The following CDKAL1 variants were observed in gnomAD, a reference collection of about 807,000 sequenced individuals.
The protein encoded by CDKAL1 is CDKAL1 threonylcarbamoyladenosine tRNA methylthiotransferase.
In CDKAL1, 32 loss-of-function variants were observed where a neutral mutation model predicts 68.2. The observed-to-expected ratio is 0.47, with a 90% CI of 0.35 to 0.63. CDKAL1 has a LOEUF of 0.63. Ranked by LOEUF, CDKAL1 falls within the 30% of genes least tolerant of loss-of-function variation. The pLI is 0.00. For missense variants in CDKAL1, 606 were observed against 696.7 expected (o/e 0.87, Z 1.47); for synonymous variants, 234 against 244.3 (o/e 0.96, Z 0.39).
At chr6:20,916,919 T>G (rs553585402) in intron 9 of CDKAL1, among the ~76,000 whole-genome samples, 2 of 152,264 alleles carry the variant, frequency 1.3e-5, no homozygotes, top group East Asian at 3.9e-4. Context: ...CTTGAAAGGC[T>G]GTTCTTAATA....
chr6:21,030,351 G>A (rs1769207500), intron 11 of CDKAL1, among the ~76,000 whole-genome samples: 2 of 152,148 alleles, frequency 1.3e-5, no homozygotes, highest in Non-Finnish European at 2.9e-5. Flanking sequence ...AGCGGAGGGA[G>A]AGCATTAGGA....
At chr6:21,115,697 T>C (rs546555068) in intron 13 of CDKAL1, among the ~76,000 whole-genome samples, 1 of 152,368 alleles carries the variant, frequency 6.6e-6, no homozygotes, top group East Asian at 1.9e-4. Context: ...TATTGATACA[T>C]GTCCTTATAC....
chr6:20,925,035 T>A (rs1763123894), intron 9 of CDKAL1, among the ~76,000 whole-genome samples: 1 of 152,200 alleles, frequency 6.6e-6, no homozygotes, highest in Admixed American at 6.5e-5. Flanking sequence ...GAATCTTTTG[T>A]GGAAGGAAGA....
intron 10 of CDKAL1, among the ~76,000 whole-genome samples, chr6:20,981,502 T>C (rs896214139): frequency 3.3e-5 from 5 of 152,158 alleles, no homozygotes; most frequent in Admixed American, 3.3e-4. Flanking sequence ...GGAGAGATGA[T>C]CCTATGAGGA....
intron 4 of CDKAL1, among the ~76,000 whole-genome samples, chr6:20,550,587 A>C (rs1763779209): frequency 6.6e-6 from 1 of 152,124 alleles, no homozygotes; most frequent in African/African-American, 2.4e-5. Context: ...GGATCTGGGC[A>C]GTCAATATGC....
intron 12 of CDKAL1, among the ~76,000 whole-genome samples, chr6:21,093,197 G>A (rs1291320562): frequency 6.6e-6 from 1 of 152,126 alleles, no homozygotes; most frequent in Non-Finnish European, 1.5e-5. Flanking sequence ...CACATTCAAA[G>A]GACCAGGACT....
At chr6:20,561,971 C>T (rs1382878607) in intron 4 of CDKAL1, among the ~76,000 whole-genome samples, 3 of 152,132 alleles carry the variant, frequency 2.0e-5, no homozygotes, top group Non-Finnish European at 4.4e-5. Context: ...ATGGACACTA[C>T]AAATTATATT....
chr6:20,894,877 C>T lies in CDKAL1; in HGVS notation c.742+48699C>T, dbSNP rs142163299. On this transcript the variant is annotated intron_variant, in intron 9 of 15. Coordinates refer to ENST00000274695, the MANE Select transcript of CDKAL1 (RefSeq NM_017774.3). ...TATACAGTAGGTAAGATAACTGATACTGGTGAATTTTCCTCAGAGAATAAA... is the reference window on the plus strand; with the variant it reads ...TATACAGTAGGTAAGATAACTGATATTGGTGAATTTTCCTCAGAGAATAAA... Among the ~76,000 whole-genome samples, 393 of 151,874 alleles carry T rather than the reference C, an allele frequency of 2.6e-3. 2 individuals are homozygous for T. The highest frequency in any genetic ancestry group is 7.9e-3 in the African/African-American group (326 of 41,408).
At chr6:20,880,845 G>A (rs1469976922) in intron 9 of CDKAL1, among the ~76,000 whole-genome samples, 1 of 152,138 alleles carries the variant, frequency 6.6e-6, no homozygotes, top group African/African-American at 2.4e-5. Flanking sequence ...ATTGGTTCAT[G>A]CACAGTTAAG....
chr6:20,732,255 CTTTCTTTCTTTTTT>C (rs1429266021), intron 5 of CDKAL1, among the ~76,000 whole-genome samples: 11 of 98,276 alleles, frequency 1.1e-4, no homozygotes, highest in African/African-American at 4.4e-4. Flanking sequence ...TTTTTCTTTT[CTTTCTTTCTTTTTT>C]TTTTTTTTTT....
chr6:20,799,389 AG>A (rs1776272443), intron 8 of CDKAL1, among the ~76,000 whole-genome samples: 1 of 152,098 alleles, frequency 6.6e-6, no homozygotes. Context: ...AGGGTAAATT[AG>A]GTATCACTGA....
intron 4 of CDKAL1, among the ~76,000 whole-genome samples, chr6:20,554,190 A>G (rs1763946784): frequency 6.6e-6 from 1 of 152,246 alleles, no homozygotes; most frequent in African/African-American, 2.4e-5. Context: ...ACTGAGGAGA[A>G]ATGATGTTAG....
At chr6:20,720,241 A>G (rs1320001034) in intron 5 of CDKAL1, among the ~76,000 whole-genome samples, 5 of 152,054 alleles carry the variant, frequency 3.3e-5, no homozygotes, top group Non-Finnish European at 7.3e-5. Flanking sequence ...AGGCCCATAT[A>G]TAGGCATTTT....
At chr6:20,931,319 C>G (rs1763446528) in intron 9 of CDKAL1, among the ~76,000 whole-genome samples, 1 of 152,184 alleles carries the variant, frequency 6.6e-6, no homozygotes, top group Admixed American at 6.5e-5. Flanking sequence ...AGGCCCTGTG[C>G]TATGTTCTCT....
At chr6:21,005,584 C>T (rs574180221) in intron 11 of CDKAL1, among the ~76,000 whole-genome samples, 6 of 152,160 alleles carry the variant, frequency 3.9e-5, no homozygotes, top group South Asian at 2.1e-4. Flanking sequence ...AATTAATAAA[C>T]GGTTTTGTTT....
chr6:21,034,381 G>T (rs1296549409), intron 11 of CDKAL1, among the ~76,000 whole-genome samples: 1 of 152,014 alleles, frequency 6.6e-6, no homozygotes, highest in Non-Finnish European at 1.5e-5. Context: ...CTTTACCTTT[G>T]TGCCATCTTT....
rs150587909 is a variant in CDKAL1, at chr6:21,017,788, G to C, written c.1055+17416G>C. Among the ~76,000 whole-genome samples the C allele has an allele frequency of 2.8e-3, 427 of 151,874 alleles. 4 individuals are homozygous for C. The highest frequency in any genetic ancestry group is 9.9e-3 in the African/African-American group (408 of 41,416). ...AAATGATTAACCTTTACACAGCCTT[G>C]GTATCCCATGTTTAGCAATAAAAAT... On this transcript the variant is annotated intron_variant, in intron 11 of 15. Coordinates refer to ENST00000274695, the MANE Select transcript of CDKAL1 (RefSeq NM_017774.3).
chr6:20,656,946 TAACACTTAAA>T (rs1769054130), intron 5 of CDKAL1, among the ~76,000 whole-genome samples: 3 of 152,234 alleles, frequency 2.0e-5, no homozygotes, highest in Non-Finnish European at 4.4e-5. Flanking sequence ...CTTATTAAGA[TAACACTTAAA>T]CTAACATTTG....
intron 15 of CDKAL1, among the ~76,000 whole-genome samples, chr6:21,225,177 G>A (rs1016305179): frequency 3.3e-5 from 5 of 152,130 alleles, no homozygotes; most frequent in Admixed American, 6.5e-5. Flanking sequence ...CTGACAAGAC[G>A]AGCAGGCCCA....
Sources: allele counts gnomAD v4.1 joint callset (sites outside exome capture counted in the v4.1 genomes callset), GRCh38; gene constraint gnomAD v4.1.1; transcripts MANE v1.5; gene names NCBI Gene and HGNC (gene_info 2026-07-23, HGNC 2026-07-21).